Variants in CLIP2 observed in about 807,000 individuals in gnomAD.
CLIP2 encodes CAP-Gly domain-containing linker protein 2.
CLIP2 carries 41 observed loss-of-function variants against 111.7 expected under a neutral mutation model. The observed-to-expected ratio is 0.37, with a 90% CI of 0.29 to 0.48. The LOEUF is 0.48. Ranked by LOEUF, CLIP2 falls within the 20% of genes least tolerant of loss-of-function variation. CLIP2 has a pLI of 0.99. For missense variants in CLIP2, 1,160 were observed against 1,422.1 expected, an observed-to-expected ratio of 0.82 and a Z score of 2.96; for synonymous variants, 660 against 644.2, an observed-to-expected ratio of 1.02 and a Z score of -0.37.
At chr7:74,319,405 G>A (rs1056903422) in intron 2 of CLIP2, among the ~76,000 whole-genome samples, 1 of 152,060 alleles carries the variant, frequency 6.6e-6, no homozygotes, top group Non-Finnish European at 1.5e-5. Flanking sequence ...CTACATGGGA[G>A]GCCGAGGCAT....
At chr7:74,309,363 G>A (rs1052425789) in intron 1 of CLIP2, among the ~76,000 whole-genome samples, 3 of 152,054 alleles carry the variant, frequency 2.0e-5, no homozygotes, top group African/African-American at 7.2e-5. Flanking sequence ...ATAGAGTTGT[G>A]CAACTATCAC....
chr7:74,326,403 G>T (rs1789108273), intron 2 of CLIP2, among the ~76,000 whole-genome samples: 1 of 152,166 alleles, frequency 6.6e-6, no homozygotes, highest in Admixed American at 6.6e-5. Flanking sequence ...TTTGGCTCAT[G>T]CCCCAGACAG....
chr7:74,401,175 C>T (rs1239681902), intron 15 of CLIP2, among the ~76,000 whole-genome samples: 2 of 151,960 alleles, frequency 1.3e-5, no homozygotes, highest in Non-Finnish European at 2.9e-5. Flanking sequence ...GAACCTCCAT[C>T]AGAAATGGGA....
At chr7:74,365,577 ATCCAGCCGGC>A (rs1790455846) in intron 8 of CLIP2, among the ~76,000 whole-genome samples, 1 of 152,172 alleles carries the variant, frequency 6.6e-6, no homozygotes, top group Non-Finnish European at 1.5e-5. Context: ...TCCACCCCGG[ATCCAGCCGGC>A]CCTGGCTGGG....
At chr7:74,363,351 C>T (rs1790386722) in intron 7 of CLIP2, among the ~76,000 whole-genome samples, 1 of 152,188 alleles carries the variant, frequency 6.6e-6, no homozygotes, top group African/African-American at 2.4e-5. Context: ...GCCTGTGTCT[C>T]TCCCCTGCGC....
intron 2 of CLIP2, among the ~76,000 whole-genome samples, chr7:74,327,759 C>T (rs1466033511): frequency 6.6e-6 from 1 of 152,100 alleles, no homozygotes; most frequent in African/African-American, 2.4e-5. Context: ...ATGTCCCTGA[C>T]GTGGTCCAGG....
chr7:74,347,542 A>C (rs1789835028), intron 3 of CLIP2, among the ~76,000 whole-genome samples: 1 of 152,124 alleles, frequency 6.6e-6, no homozygotes, highest in South Asian at 2.1e-4. Flanking sequence ...TGCTGGGATT[A>C]CAGGCGTGAG....
chr7:74,347,238 G>A (rs1430245099), intron 3 of CLIP2, among the ~76,000 whole-genome samples: 1 of 152,046 alleles, frequency 6.6e-6, no homozygotes, highest in South Asian at 2.1e-4. Context: ...CCAGGCAGGA[G>A]GGACTGAAAA....
intron 3 of CLIP2, among the ~76,000 whole-genome samples, chr7:74,351,691 C>G (rs1166512893): frequency 6.6e-6 from 1 of 151,926 alleles, no homozygotes; most frequent in Non-Finnish European, 1.5e-5. Context: ...CAAAAATTAG[C>G]CGGGCATGGT....
intron 1 of CLIP2, among the ~76,000 whole-genome samples, chr7:74,291,200 A>C (rs1554725320): frequency 6.6e-6 from 1 of 152,022 alleles, no homozygotes; most frequent in African/African-American, 2.4e-5. Context: ...GTGGAGATGG[A>C]GAGGGGCTCC....
intron 1 of CLIP2, among the ~76,000 whole-genome samples, chr7:74,313,329 G>C (rs1177458931): frequency 3.3e-5 from 5 of 151,934 alleles, no homozygotes; most frequent in African/African-American, 4.8e-5. Flanking sequence ...GGAGGCCGAG[G>C]GGGGCAGATC....
chr7:74,400,149 CAAAA>C (rs781818573), intron 14 of CLIP2, among the ~76,000 whole-genome samples: 1 of 55,536 alleles, frequency 1.8e-5, no homozygotes, highest in African/African-American at 6.4e-5. Flanking sequence ...GACTCTGTCT[CAAAA>C]AAAAAAAAAA....
chr7:74,390,707 G>A (rs1421420524), intron 13 of CLIP2, among the ~76,000 whole-genome samples: 5 of 135,108 alleles, frequency 3.7e-5, no homozygotes, highest in African/African-American at 1.1e-4. Flanking sequence ...TGTAACATAA[G>A]TAGCATGCTT....
At chr7:74,322,451 CA>C in intron 2 of CLIP2, among the ~76,000 whole-genome samples, 1 of 151,720 alleles carries the variant, frequency 6.6e-6, no homozygotes, top group Admixed American at 6.6e-5. Context: ...ACTAAAAATA[CA>C]AAAAAATTAG....
chr7:74,399,890 C>G (rs1053457302), intron 14 of CLIP2, among the ~76,000 whole-genome samples: 4 of 151,346 alleles, frequency 2.6e-5, no homozygotes, highest in Non-Finnish European at 5.9e-5. Context: ...CGCAGTGGCT[C>G]ATGCCTGTAA....
At chr7:74,396,133 A>G (rs781864981) in intron 13 of CLIP2, among the ~76,000 whole-genome samples, 3 of 152,178 alleles carry the variant, frequency 2.0e-5, no homozygotes, top group Non-Finnish European at 2.9e-5. Context: ...GGCATTACCA[A>G]TCGATCACTG....
At chr7:74,323,391 G>A (rs1339314452) in intron 2 of CLIP2, among the ~76,000 whole-genome samples, 2 of 151,386 alleles carry the variant, frequency 1.3e-5, no homozygotes, top group Non-Finnish European at 2.9e-5. Flanking sequence ...GAGCCACCAT[G>A]GCTGGCCTAG....
At position 74,404,190 on chromosome 7, in the gene CLIP2, C is replaced by T. The variant is rs1791702523; in HGVS notation, c.*342C>T. 1 of 319,750 alleles carries T rather than the reference C, an allele frequency of 3.1e-6. No homozygotes were observed. The highest frequency in any genetic ancestry group is 3.9e-5 in the South Asian group (1 of 25,338). 19.8% of individuals were successfully genotyped at this position (319,750 alleles called of 1,614,324 possible). ...CAGAAGGAGCTGCCCTGAGGACCAT[C>T]TTAGCGGCCCTGTCCTCTTTTTCCG... On this transcript the variant is annotated 3_prime_UTR_variant, in exon 17 of 17. Transcript: ENST00000223398.
Position 74,291,107 on chromosome 7 carries a change from C to G in CLIP2, c.-68+1373C>G, listed in dbSNP as rs1435519047. 2.0e-5 allele frequency among the ~76,000 whole-genome samples: 3 copies of G among 152,306 alleles called. No individual in the cohort carries two copies. In the East Asian group the frequency reaches 5.8e-4, roughly 29 times the overall value. ...AGCTTAGGATTTAAGGAACTTAGAC[C>G]TGCGTTGAGCACAGGATGCATTCTT... On this transcript the variant is annotated intron_variant, in intron 1 of 16. Transcript: ENST00000223398.
Sources: gnomAD v4.1 joint callset for allele counts (sites outside exome capture counted in the v4.1 genomes callset) on GRCh38, gnomAD v4.1.1 for gene constraint, MANE v1.5 for transcripts, NCBI Gene and HGNC (gene_info 2026-07-23, HGNC 2026-07-21) for gene names.